PRELID2: variants seen among roughly 807,000 people sequenced by gnomAD.
PRELID2 encodes PRELI domain-containing protein 2.
A neutral mutation model predicts 28.4 loss-of-function variants in PRELID2; 25 were observed. The ratio of observed to expected loss-of-function variants is 0.88; its 90% CI spans 0.64 to 1.23. PRELID2 has a LOEUF of 1.23. Among genes scored for constraint, PRELID2 ranks in the 50% most tolerant of loss-of-function variants. The pLI, the probability that PRELID2 is intolerant of heterozygous loss-of-function variation, is 0.00. For synonymous variants in PRELID2, 76 were observed against 71.6 expected (o/e 1.06, Z -0.31); for missense variants, 201 against 214.4 (o/e 0.94, Z 0.39).
chr5:145,515,739 C>G (rs1227793580), intron 1 of PRELID2, among the ~76,000 whole-genome samples: 1 of 152,160 alleles, frequency 6.6e-6, no homozygotes, highest in Non-Finnish European at 1.5e-5. Flanking sequence ...CAAAAATCCT[C>G]AATAAAATAC....
the PRELID2 span, among the ~76,000 whole-genome samples, chr5:145,314,476 T>C: frequency 1.1e-4 from 17 of 152,204 alleles, no homozygotes; most frequent in African/African-American, 4.1e-4. Context: ...AGAAATACAG[T>C]GCTATAAGTT....
chr5:145,669,726 C>G (rs1754668276), intron 1 of PRELID2, among the ~76,000 whole-genome samples: 1 of 152,170 alleles, frequency 6.6e-6, no homozygotes, highest in South Asian at 2.1e-4. Flanking sequence ...TAGCCTCTCT[C>G]TGTGCTCTGG....
intron 1 of PRELID2, among the ~76,000 whole-genome samples, chr5:145,492,069 G>T (rs546349017): frequency 1.1e-4 from 17 of 152,216 alleles, no homozygotes; most frequent in Admixed American, 9.8e-4. Flanking sequence ...GGAATTGCTG[G>T]ATCTTATAGT....
At chr5:145,507,135 C>T (rs539998840) in intron 1 of PRELID2, among the ~76,000 whole-genome samples, 1 of 152,280 alleles carries the variant, frequency 6.6e-6, no homozygotes, top group East Asian at 1.9e-4. Flanking sequence ...TTCTTATGTA[C>T]ACTTGCATTT....
intron 1 of PRELID2, among the ~76,000 whole-genome samples, chr5:145,493,807 C>T (rs1257868064): frequency 6.6e-6 from 1 of 152,150 alleles, no homozygotes; most frequent in Non-Finnish European, 1.5e-5. Flanking sequence ...AAATCCCAAG[C>T]TGGAAGTATT....
chr5:145,785,648 T>G (rs1751947465), intron 5 of PRELID2, among the ~76,000 whole-genome samples: 2 of 152,178 alleles, frequency 1.3e-5, no homozygotes. Flanking sequence ...AATTGCAAAT[T>G]TTCACTGGTA....
chr5:145,338,610 T>A, the PRELID2 span, among the ~76,000 whole-genome samples: 2 of 152,182 alleles, frequency 1.3e-5, no homozygotes, highest in Non-Finnish European at 2.9e-5. Context: ...CTGTCATAGG[T>A]AGATATATAT....
chr5:145,405,085 C>T, the PRELID2 span, among the ~76,000 whole-genome samples: 12 of 152,288 alleles, frequency 7.9e-5, no homozygotes, highest in South Asian at 2.1e-4. Context: ...AAGTGCCACG[C>T]TATCCCAAAC....
At chr5:145,633,897 C>A (rs912128753) in intron 1 of PRELID2, among the ~76,000 whole-genome samples, 2 of 152,186 alleles carry the variant, frequency 1.3e-5, no homozygotes, top group Non-Finnish European at 2.9e-5. Flanking sequence ...CACAAGGATG[C>A]AAAAGCCATG....
the PRELID2 span, among the ~76,000 whole-genome samples, chr5:145,232,633 G>C: frequency 6.6e-6 from 1 of 152,072 alleles, no homozygotes; most frequent in Non-Finnish European, 1.5e-5. Flanking sequence ...GCAACTTAAT[G>C]AATAAATCTT....
At chr5:145,592,715 T>A (rs182562607) in intron 1 of PRELID2, among the ~76,000 whole-genome samples, 9 of 152,328 alleles carry the variant, frequency 5.9e-5, no homozygotes, top group Admixed American at 5.9e-4. Flanking sequence ...TAGACTTAAT[T>A]ACTTTGTTGC....
intron 1 of PRELID2, among the ~76,000 whole-genome samples, chr5:145,603,422 A>G (rs773646627): frequency 1.3e-5 from 2 of 152,204 alleles, no homozygotes. Flanking sequence ...TCTTCAATGT[A>G]GTGAAGTAAA....
At chr5:145,539,267 T>C (rs893788042) in intron 1 of PRELID2, among the ~76,000 whole-genome samples, 1 of 152,044 alleles carries the variant, frequency 6.6e-6, no homozygotes, top group Non-Finnish European at 1.5e-5. Flanking sequence ...TAGCAGAGAA[T>C]CACCAGCTTC....
intron 1 of PRELID2, among the ~76,000 whole-genome samples, chr5:145,519,696 T>C (rs1478478238): frequency 6.6e-6 from 1 of 151,870 alleles, no homozygotes; most frequent in Admixed American, 6.5e-5. Flanking sequence ...CTTAAGGACC[T>C]ATTAAAAAGC....
intron 5 of PRELID2, among the ~76,000 whole-genome samples, chr5:145,767,575 G>T (rs761501221): frequency 6.6e-6 from 1 of 152,066 alleles, no homozygotes; most frequent in African/African-American, 2.4e-5. Context: ...AGGGTCAAAG[G>T]CAACCTCTAG....
At chr5:145,581,814 G>A (rs1020054718) in intron 1 of PRELID2, among the ~76,000 whole-genome samples, 2 of 152,048 alleles carry the variant, frequency 1.3e-5, no homozygotes, top group Non-Finnish European at 2.9e-5. Context: ...GACCAGTCAT[G>A]CACCACATAG....
chr5:145,393,678 A>G, the PRELID2 span, among the ~76,000 whole-genome samples: 1 of 152,230 alleles, frequency 6.6e-6, no homozygotes, highest in Admixed American at 6.5e-5. Flanking sequence ...ATTGGCTGAG[A>G]TTCAACTACT....
intron 1 of PRELID2, among the ~76,000 whole-genome samples, chr5:145,532,827 T>C (rs1303724302): frequency 6.6e-6 from 1 of 152,162 alleles, no homozygotes; most frequent in African/African-American, 2.4e-5. Context: ...AGTATTCCAT[T>C]GTGTATATAT....
At chr5:145,404,508 C>G in the PRELID2 span, among the ~76,000 whole-genome samples, 17 of 152,208 alleles carry the variant, frequency 1.1e-4, no homozygotes, top group African/African-American at 3.9e-4. Context: ...TATGTCCCTG[C>G]TCTCAAGGAG....
Sources: gnomAD v4.1 joint callset for allele counts (sites outside exome capture counted in the v4.1 genomes callset) on GRCh38, gnomAD v4.1.1 for gene constraint, MANE v1.5 for transcripts, NCBI Gene and HGNC (gene_info 2026-07-23, HGNC 2026-07-21) for gene names.